Variants in SEMA3E observed in about 807,000 individuals in gnomAD.
SEMA3E encodes the protein semaphorin-3E.
SEMA3E carries 49 observed loss-of-function variants against 93.6 expected under a neutral mutation model. That is an observed-to-expected ratio of 0.52 (90% confidence interval 0.42 to 0.66). The LOEUF (loss-of-function observed/expected upper bound fraction) is 0.66, where lower values mean the gene tolerates loss of function less well. SEMA3E is among the 30% of genes least tolerant of loss of function. The pLI is 0.00. For synonymous variants in SEMA3E, 363 were observed against 330.7 expected, an observed-to-expected ratio of 1.10 and a Z score of -1.06; for missense variants, 906 against 964.8, an observed-to-expected ratio of 0.94 and a Z score of 0.81.
At chr7:83,423,655 C>A (rs895587024) in intron 4 of SEMA3E, among the ~76,000 whole-genome samples, 1 of 148,128 alleles carries the variant, frequency 6.8e-6, no homozygotes, top group Non-Finnish European at 1.5e-5. Flanking sequence ...AGACGCCCAC[C>A]ACCACGCCCG....
At chr7:83,512,111 G>A (rs1484595923) in intron 1 of SEMA3E, among the ~76,000 whole-genome samples, 2 of 151,950 alleles carry the variant, frequency 1.3e-5, no homozygotes, top group African/African-American at 2.4e-5. Flanking sequence ...ATGGTTTTAG[G>A]CCCCTAAAGA....
chr7:83,400,608 T>C (rs986887869), intron 10 of SEMA3E, among the ~76,000 whole-genome samples: 2 of 152,016 alleles, frequency 1.3e-5, no homozygotes, highest in African/African-American at 2.4e-5. Flanking sequence ...TGAGTAACCA[T>C]ATATTTTTTG....
At chr7:83,412,108 T>A (rs932675127) in intron 5 of SEMA3E, among the ~76,000 whole-genome samples, 1 of 152,118 alleles carries the variant, frequency 6.6e-6, no homozygotes, top group Non-Finnish European at 1.5e-5. Context: ...GCTTTTATGT[T>A]CTCTCTGCTC....
intron 7 of SEMA3E, among the ~76,000 whole-genome samples, chr7:83,406,591 G>C (rs2709936): frequency 0.51 from 76,351 of 151,158 alleles, 22,094 homozygotes; most frequent in East Asian, 0.85. Context: ...TTCTTAAATG[G>C]CAAGGTAACT....
chr7:83,406,770 G>A (rs911849934), intron 7 of SEMA3E, among the ~76,000 whole-genome samples: 1 of 151,790 alleles, frequency 6.6e-6, no homozygotes, highest in Non-Finnish European at 1.5e-5. Flanking sequence ...TATTTGTACT[G>A]TGTACTAAAG....
chr7:83,499,899 C>T (rs577479093), intron 1 of SEMA3E, among the ~76,000 whole-genome samples: 3 of 152,100 alleles, frequency 2.0e-5, no homozygotes, highest in Admixed American at 6.5e-5. Flanking sequence ...TCTCAGTCTT[C>T]CAGAGGCTGA....
intron 1 of SEMA3E, among the ~76,000 whole-genome samples, chr7:83,634,609 T>C (rs182741238): frequency 6.6e-6 from 1 of 152,062 alleles, no homozygotes; most frequent in Non-Finnish European, 1.5e-5. Context: ...ACCTATAATA[T>C]TTTCCTTCTT....
intron 4 of SEMA3E, among the ~76,000 whole-genome samples, chr7:83,452,846 C>T (rs953300364): frequency 6.6e-6 from 1 of 152,090 alleles, no homozygotes; most frequent in African/African-American, 2.4e-5. Context: ...GTCAGGCTCA[C>T]CTTTTAATGC....
chr7:83,620,992 C>A (rs987629977), intron 1 of SEMA3E, among the ~76,000 whole-genome samples: 1 of 152,010 alleles, frequency 6.6e-6, no homozygotes, highest in Non-Finnish European at 1.5e-5. Flanking sequence ...AAGTTCTGGC[C>A]AGGGAAATCA....
At chr7:83,409,986 G>A (rs1182168810) in intron 5 of SEMA3E, among the ~76,000 whole-genome samples, 1 of 151,426 alleles carries the variant, frequency 6.6e-6, no homozygotes, top group Non-Finnish European at 1.5e-5. Flanking sequence ...GATTGCTTTT[G>A]TTATACCAAA....
intron 1 of SEMA3E, among the ~76,000 whole-genome samples, chr7:83,521,643 A>T (rs940156798): frequency 6.6e-6 from 1 of 152,056 alleles, no homozygotes; most frequent in African/African-American, 2.4e-5. Context: ...TCAAGGTGCA[A>T]CCCAATTTGG....
intron 2 of SEMA3E, among the ~76,000 whole-genome samples, chr7:83,470,754 T>G (rs1789873311): frequency 1.3e-5 from 2 of 152,160 alleles, no homozygotes; most frequent in African/African-American, 4.8e-5. Flanking sequence ...TTTCTTATCT[T>G]TTTCACTAAG....
At chr7:83,605,499 C>T (rs1483123865) in intron 1 of SEMA3E, among the ~76,000 whole-genome samples, 1 of 151,456 alleles carries the variant, frequency 6.6e-6, no homozygotes, top group Admixed American at 6.6e-5. Context: ...GGTGCGATCT[C>T]AATTCACTGC....
intron 1 of SEMA3E, among the ~76,000 whole-genome samples, chr7:83,566,506 A>C (rs986290349): frequency 2.0e-5 from 3 of 152,086 alleles, no homozygotes; most frequent in African/African-American, 7.2e-5. Context: ...AATATGACCT[A>C]ATATGGTATT....
At chr7:83,388,929 A>G in intron 14 of SEMA3E, among the ~76,000 whole-genome samples, 1 of 151,742 alleles carries the variant, frequency 6.6e-6, no homozygotes, top group East Asian at 1.9e-4. Context: ...ACATATTAAT[A>G]GATATTAAAA....
chr7:83,427,805 G>A (rs769689755), intron 4 of SEMA3E, among the ~76,000 whole-genome samples: 2 of 152,062 alleles, frequency 1.3e-5, no homozygotes. Flanking sequence ...CAAAGCAATC[G>A]CCTTTATGGT....
chr7:83,544,656 G>T (rs1211839376), intron 1 of SEMA3E, among the ~76,000 whole-genome samples: 2 of 152,074 alleles, frequency 1.3e-5, no homozygotes, highest in African/African-American at 4.8e-5. Context: ...AAAACTGAAG[G>T]TCATGATTTA....
chr7:83,507,114 A>T (rs1456523621), intron 1 of SEMA3E, among the ~76,000 whole-genome samples: 1 of 152,170 alleles, frequency 6.6e-6, no homozygotes, highest in Admixed American at 6.6e-5. Context: ...CTAGACCCCA[A>T]CTTTATCAGA....
intron 1 of SEMA3E, among the ~76,000 whole-genome samples, chr7:83,595,091 A>G (rs1274825013): frequency 3.9e-5 from 6 of 152,090 alleles, no homozygotes; most frequent in South Asian, 2.1e-4. Flanking sequence ...AAGGAAGGCT[A>G]AACTAAAGAG....
Sources: gnomAD v4.1 joint callset for allele counts (sites outside exome capture counted in the v4.1 genomes callset) on GRCh38, gnomAD v4.1.1 for gene constraint, MANE v1.5 for transcripts, NCBI Gene and HGNC (gene_info 2026-07-23, HGNC 2026-07-21) for gene names.